SMIM27: variants seen among roughly 807,000 people sequenced by gnomAD.
The protein encoded by SMIM27 is transition zone microprotein 1, also known as TOPORS antisense RNA 1 (non-protein coding).
In SMIM27, 3 loss-of-function variants were observed where a neutral mutation model predicts 1.8. That is an observed-to-expected ratio of 1.65 (90% CI 0.75 to 4.28). The LOEUF is 4.28. Among genes scored for constraint, SMIM27 ranks in the 30% most tolerant of loss-of-function variants. The pLI is 0.02. For missense variants in SMIM27, 63 were observed against 37.0 expected (o/e 1.70, Z -1.83); for synonymous variants, 19 against 13.9 (o/e 1.37, Z -0.82).
At chr9:32,566,348 T>C in intron 1 of SMIM27, 3 of 1,176,676 alleles carry the variant, frequency 2.5e-6, no homozygotes, top group Non-Finnish European at 3.8e-6. Context: ...CTTCCACCAG[T>C]GTAGGAATGA....
At chr9:32,558,984 A>G in intron 1 of SMIM27, 2 of 1,512,794 alleles carry the variant, frequency 1.3e-6, no homozygotes, top group Non-Finnish European at 9.1e-7. Context: ...TGTGTTAATT[A>G]TGGTGTTAAG....
intron 1 of SMIM27, among the ~76,000 whole-genome samples, chr9:32,564,423 A>T (rs368065742): frequency 4.0e-5 from 6 of 151,858 alleles, no homozygotes; most frequent in African/African-American, 1.5e-4. Flanking sequence ...GAGACAAGCA[A>T]CTCTATCAGT....
In SMIM27 at chr9:32,552,838, T is replaced by A; in HGVS notation, c.83T>A (p.Ile28Asn). The change falls in exon 2 of 2, where the codon ATC becomes AAC. Residue 28 changes from isoleucine to asparagine, a missense_variant. Ile to Asn is a moderately radical substitution (Grantham distance 149, BLOSUM62 -3). Coordinates refer to ENST00000692500, the MANE Select transcript of SMIM27 (RefSeq NM_001387564.1). The part of the protein sequence containing the change: ...LAIVLISWGC[I>N]IYASMVSARR... ...ATCGTTTTAATCTCCTGGGGCTGCA[T>A]CATCTATGCTTCGATGGTGTCTGCA... 1 of 702,764 alleles carries A rather than the reference T, an allele frequency of 1.4e-6. No individual in the cohort carries two copies. The highest frequency in any genetic ancestry group is 2.6e-6 in the Non-Finnish European group (1 of 384,816). The allele number at this position is 702,764 out of a possible 1,614,324, so 43.5% of individuals were successfully genotyped here.
chr9:32,564,878 C>A (rs567595364), intron 1 of SMIM27, among the ~76,000 whole-genome samples: 1 of 152,362 alleles, frequency 6.6e-6, no homozygotes, highest in East Asian at 1.9e-4. Flanking sequence ...CAAGTTGAAT[C>A]ATGAAATTAA....
chr9:32,560,698 T>C (rs951984329), intron 1 of SMIM27, among the ~76,000 whole-genome samples: 5 of 152,204 alleles, frequency 3.3e-5, no homozygotes, highest in Non-Finnish European at 5.9e-5. Flanking sequence ...AATGTATAAA[T>C]ACAATTTAAA....
chr9:32,552,194 C>G (rs1319856965), upstream of SMIM27: 2 of 556,294 alleles, frequency 3.6e-6, no homozygotes, highest in South Asian at 2.2e-5. Flanking sequence ...AAAAAAAAAG[C>G]AATTTTTAAC....
chr9:32,552,305 C>G (rs1353136412), upstream of SMIM27: 2 of 1,366,750 alleles, frequency 1.5e-6, no homozygotes, highest in Non-Finnish European at 1.0e-6. Flanking sequence ...CAGCGCTGCA[C>G]GAAGCGAGTG....
chr9:32,561,599 G>T (rs796644310), intron 1 of SMIM27, among the ~76,000 whole-genome samples: 32 of 152,176 alleles, frequency 2.1e-4, no homozygotes, highest in African/African-American at 7.2e-4. Flanking sequence ...AAAGTGCCAG[G>T]ATTACAAGCA....
chr9:32,565,911 G>A (rs748786759), intron 1 of SMIM27, among the ~76,000 whole-genome samples: 21 of 152,166 alleles, frequency 1.4e-4, no homozygotes, highest in Non-Finnish European at 2.6e-4. Flanking sequence ...GGCGGAGGTT[G>A]CAGTGAGCCA....
At chr9:32,566,216 C>A in intron 1 of SMIM27, 1 of 836,372 alleles carries the variant, frequency 1.2e-6, no homozygotes, top group South Asian at 1.4e-5. Flanking sequence ...CTGTTCAGGT[C>A]ATAGCTGGTT....
intron 1 of SMIM27, among the ~76,000 whole-genome samples, chr9:32,564,929 A>G (rs546791516): frequency 5.9e-5 from 9 of 152,314 alleles, no homozygotes; most frequent in African/African-American, 1.7e-4. Flanking sequence ...CGGCAGTTTC[A>G]TGTGGTTCGA....
In SMIM27 at chr9:32,552,451, G is replaced by C. The variant is rs1381709057; in HGVS notation, c.17G>C (p.Arg6Pro). 1 of 1,604,568 alleles carries C rather than the reference G, an allele frequency of 6.2e-7. No individual in the cohort carries two copies. Among genetic ancestry groups the C allele is most frequent in the Non-Finnish European group, 8.5e-7 (1 of 1,175,978 alleles). The change falls in exon 1 of 2, where the codon CGT becomes CCT. Residue 6 changes from arginine to proline, a missense_variant. Coordinates refer to ENST00000692500, the MANE Select transcript of SMIM27 (RefSeq NM_001387564.1). The stretch of plus-strand genomic sequence containing the variant: ...CTCCTTACCATGAAGCCAGTAAGTC[G>C]TCGCACGCTGGACTGGATTTATTCA... Reference protein sequence around the residue: MKPVSRRTLDWIYSVL... With the variant: MKPVSPRTLDWIYSVL...
chr9:32,566,693 C>A, exon 2 of SMIM27: 1 of 828,712 alleles, frequency 1.2e-6, no homozygotes, highest in South Asian at 1.3e-5. Flanking sequence ...AGCTGTATCT[C>A]AGATAGCCAG....
chr9:32,555,032 G>A (rs188870919), downstream of SMIM27, among the ~76,000 whole-genome samples: 47 of 151,440 alleles, frequency 3.1e-4, no homozygotes, highest in Non-Finnish European at 2.4e-4. Flanking sequence ...TTTGAGAGGC[G>A]ACATAAAAAT....
At chr9:32,560,745 T>C (rs1205097527) in intron 1 of SMIM27, among the ~76,000 whole-genome samples, 1 of 152,226 alleles carries the variant, frequency 6.6e-6, no homozygotes, top group Non-Finnish European at 1.5e-5. Context: ...GTAAATGGAA[T>C]TGTTTCAGAA....
Position 32,552,944 on chromosome 9 carries a change from T to A in SMIM27, c.*21T>A, listed in dbSNP as rs1255508332. On this transcript the variant is annotated 3_prime_UTR_variant, in exon 2 of 2. Coordinates refer to ENST00000692500, the MANE Select transcript of SMIM27 (RefSeq NM_001387564.1). ...TGTAACTCTTCTGGATTTAATTATCTGAAAATACAGTTCTTTCCCTCATGC... is the reference window on the plus strand; with the variant it reads ...TGTAACTCTTCTGGATTTAATTATCAGAAAATACAGTTCTTTCCCTCATGC... 18 of 696,312 alleles carry A rather than the reference T, an allele frequency of 2.6e-5. No homozygotes were observed. The highest frequency in any genetic ancestry group is 4.7e-5 in the Non-Finnish European group (18 of 382,484). 43.1% of individuals were successfully genotyped at this position (696,312 alleles called of 1,614,324 possible).
At chr9:32,553,684 C>A, downstream of SMIM27, 1 of 537,244 alleles carries the variant, frequency 1.9e-6, no homozygotes, top group Non-Finnish European at 3.3e-6. Context: ...GGTAGTCTCT[C>A]ATATTTGTTT....
downstream of SMIM27, among the ~76,000 whole-genome samples, chr9:32,554,778 A>G (rs1433296961): frequency 1.3e-5 from 2 of 152,272 alleles, no homozygotes; most frequent in Non-Finnish European, 2.9e-5. Context: ...TGCTGTAATA[A>G]AAATCAAGCT....
intron 1 of SMIM27, among the ~76,000 whole-genome samples, chr9:32,562,529 TAG>T (rs1431125194): frequency 6.6e-6 from 1 of 152,226 alleles, no homozygotes; most frequent in Non-Finnish European, 1.5e-5. Flanking sequence ...TATAATTTGT[TAG>T]ACAGTCCTTA....
Sources: allele counts gnomAD v4.1 joint callset (sites outside exome capture counted in the v4.1 genomes callset), GRCh38; gene constraint gnomAD v4.1.1; transcripts MANE v1.5; gene names NCBI Gene and HGNC (gene_info 2026-07-23, HGNC 2026-07-21).